TMEM67: variants seen among roughly 807,000 people sequenced by gnomAD.
TMEM67 encodes transmembrane protein 67.
In TMEM67, 124 loss-of-function variants were observed where a neutral mutation model predicts 136.6. The observed-to-expected ratio is 0.91, with a 90% CI of 0.78 to 1.05. The LOEUF (loss-of-function observed/expected upper bound fraction) is 1.05. Ranked by LOEUF, TMEM67 falls within the 50% of genes least tolerant of loss-of-function variation. TMEM67 has a pLI of 0.00. For missense variants in TMEM67, 1,107 were observed against 1,178.4 expected, an observed-to-expected ratio of 0.94 and a Z score of 0.89; for synonymous variants, 364 against 390.5, an observed-to-expected ratio of 0.93 and a Z score of 0.80.
chr8:93,760,918 AT>A (rs1812798892), intron 3 of TMEM67, among the ~76,000 whole-genome samples: 1 of 152,240 alleles, frequency 6.6e-6, no homozygotes, highest in Non-Finnish European at 1.5e-5. Context: ...AGAAAAAAAT[AT>A]TTTAACGTGA....
chr8:93,755,188 C>A, intron 1 of TMEM67, 51 bp downstream of exon 1: 1 of 1,512,312 alleles, frequency 6.6e-7, no homozygotes, highest in South Asian at 1.1e-5. Flanking sequence ...CCGCCTTGGT[C>A]GGCCCCTAGT....
At chr8:93,809,971 C>CTTTTTTTT (rs375597348) in intron 26 of TMEM67, 84 bp downstream of exon 26, 9 of 588,972 alleles carry the variant, frequency 1.5e-5, no homozygotes, top group African/African-American at 6.2e-5. Context: ...TTCTTTTTTT[C>CTTTTTTTT]TTTTTTTTTT....
chr8:93,815,882 G>A (rs1352169879), intron 27 of TMEM67, among the ~76,000 whole-genome samples: 1 of 152,234 alleles, frequency 6.6e-6, no homozygotes. Context: ...GCAACTTCAT[G>A]TATGAGTGTG....
At chr8:93,779,084 C>T (rs1328585023) in intron 7 of TMEM67, among the ~76,000 whole-genome samples, 1 of 152,174 alleles carries the variant, frequency 6.6e-6, no homozygotes, top group Non-Finnish European at 1.5e-5. Flanking sequence ...ACCTTGTCGT[C>T]TCGCTTTATT....
intron 14 of TMEM67, among the ~76,000 whole-genome samples, chr8:93,788,587 TG>T (rs1271050172): frequency 1.3e-5 from 2 of 152,110 alleles, no homozygotes; most frequent in African/African-American, 4.8e-5. Context: ...ATAAAGATTT[TG>T]TGTCTTTGCC....
chr8:93,803,367 A>G (rs977994481), intron 21 of TMEM67, among the ~76,000 whole-genome samples: 1 of 152,204 alleles, frequency 6.6e-6, no homozygotes, highest in African/African-American at 2.4e-5. Context: ...TTTTAATGAC[A>G]CACAACAGTT....
At position 93,770,475 on chromosome 8, in the gene TMEM67, C is replaced by T. The variant is rs538390534; in HGVS notation, c.652-2114C>T. On this transcript the variant is annotated intron_variant, in intron 6 of 27. Transcript: ENST00000453321. Reference sequence around the variant, plus strand: ...CCTTCCTTTTTTGGGGGAAGGGATACCTAGGATCCAATCAAGGATCTCACA... The same window carrying T: ...CCTTCCTTTTTTGGGGGAAGGGATATCTAGGATCCAATCAAGGATCTCACA... Among the ~76,000 whole-genome samples the T allele has an allele frequency of 2.6e-5, 4 of 152,214 alleles. No individual in the cohort carries two copies. In the South Asian group the frequency reaches 8.3e-4, roughly 32 times the overall value.
intron 3 of TMEM67, chr8:93,759,711 T>C (rs912516399): frequency 9.0e-5 from 21 of 233,266 alleles, no homozygotes; most frequent in African/African-American, 4.6e-4. Flanking sequence ...AGTGCAATGG[T>C]GTGATCTTGG....
intron 3 of TMEM67, among the ~76,000 whole-genome samples, chr8:93,761,160 A>G (rs567686293): frequency 1.3e-5 from 2 of 152,288 alleles, no homozygotes; most frequent in African/African-American, 4.8e-5. Context: ...TTAGCCTGGC[A>G]TGGTGGCACA....
At chr8:93,830,031 A>C in the TMEM67 span, among the ~76,000 whole-genome samples, 1 of 152,180 alleles carries the variant, frequency 6.6e-6, no homozygotes, top group African/African-American at 2.4e-5. Context: ...ACCTGGAGGA[A>C]GGAAAACTGC....
chr8:93,828,633 G>C, the TMEM67 span, among the ~76,000 whole-genome samples: 4 of 152,094 alleles, frequency 2.6e-5, no homozygotes, highest in African/African-American at 9.6e-5. Flanking sequence ...CCAGCTACTC[G>C]GGGGGTGGGG....
Position 93,785,391 on chromosome 8 carries a change from T to C in TMEM67, c.1288+13T>C. 2 of 1,610,746 alleles carry C rather than the reference T, an allele frequency of 1.2e-6. No homozygotes were observed. The highest frequency in any genetic ancestry group is 1.7e-6 in the Non-Finnish European group (2 of 1,177,906). On this transcript the variant is annotated intron_variant, in intron 12 of 27. Transcript: ENST00000453321. Reference sequence around the variant, plus strand: ...TTTGTGAACCAAGGTAAGACATCCATACATACCACTCTTTTCCCTGAGCAG... The same window carrying C: ...TTTGTGAACCAAGGTAAGACATCCACACATACCACTCTTTTCCCTGAGCAG...
In TMEM67 at chr8:93,809,052, A is replaced by G. The variant is rs772215031; in HGVS notation, c.2557-5A>G. 1 of 1,595,668 alleles carries G rather than the reference A, an allele frequency of 6.3e-7. No individual in the cohort carries two copies. Among genetic ancestry groups the G allele is most frequent in the Non-Finnish European group, 8.6e-7 (1 of 1,163,712 alleles). On this transcript the variant is annotated splice_region_variant and splice_polypyrimidine_tract_variant and intron_variant, in intron 24 of 27. Transcript: ENST00000453321. Reference sequence around the variant, plus strand: ...CTTTGTATTCATTTCTCTTTTTTACATTAGAAAAATGGTCCTGCTAGACTA... The same window carrying G: ...CTTTGTATTCATTTCTCTTTTTTACGTTAGAAAAATGGTCCTGCTAGACTA...
At chr8:93,781,871 C>T in intron 10 of TMEM67, 127 bp downstream of exon 10, 3 of 523,562 alleles carry the variant, frequency 5.7e-6, no homozygotes, top group South Asian at 3.4e-5. Flanking sequence ...TTTTCTGATG[C>T]TTTAAATTAG....
At chr8:93,793,063 G>A in intron 15 of TMEM67, 135 bp from the exon 16 acceptor site, 2 of 770,444 alleles carry the variant, frequency 2.6e-6, no homozygotes, top group Non-Finnish European at 4.5e-6. Flanking sequence ...GAGCCACTGT[G>A]CCCGGCTGAC....
chr8:93,809,074 A>G lies in TMEM67; in HGVS notation c.2574A>G (p.Arg858=). 6.2e-7 allele frequency: 1 copy of G among 1,608,400 alleles called. No individual in the cohort carries two copies. The highest frequency in any genetic ancestry group is 1.1e-5 in the South Asian group (1 of 90,964). The change falls in exon 25 of 28, where the codon AGA becomes AGG. Residue 858 remains arginine (R), a synonymous_variant. Transcript: ENST00000453321. ...TACATTAGAAAAATGGTCCTGCTAG[A>G]CTACTGAGTTCATCAGCAAGTACTT... The part of the protein sequence containing the change: ...ETLIRKNGPA[R]LLSSSASTFE...
At chr8:93,808,998 C>A (rs761654062) in intron 24 of TMEM67, 42 bp downstream of exon 24, 1 of 1,529,276 alleles carries the variant, frequency 6.5e-7, no homozygotes, top group Non-Finnish European at 9.1e-7. Context: ...GTCAATATTT[C>A]ATGTTTTTTA....
In TMEM67 at chr8:93,816,526, C is replaced by T. The variant is rs1432203515; in HGVS notation, c.*74C>T. 1 of 814,898 alleles carries T rather than the reference C, an allele frequency of 1.2e-6. No homozygotes were observed. The highest frequency in any genetic ancestry group is 2.1e-5 in the Admixed American group (1 of 46,834). 50.5% of individuals were successfully genotyped at this position (814,898 alleles called of 1,614,324 possible). A position where few individuals can be genotyped will look rare whatever the true frequency, so the allele number is the denominator to read the frequency against. ...AAGTCATGATATCAGGTTAGTTTGC[C>T]ATATTTTTTAAAACTTATAATGCAG... On this transcript the variant is annotated 3_prime_UTR_variant, in exon 28 of 28. Transcript: ENST00000453321.
At chr8:93,794,456 GTTA>G (rs946395217) in intron 16 of TMEM67, among the ~76,000 whole-genome samples, 1 of 152,016 alleles carries the variant, frequency 6.6e-6, no homozygotes, top group Non-Finnish European at 1.5e-5. Flanking sequence ...TTGAAGTTAG[GTTA>G]TTATTATTAT....
Sources: gnomAD v4.1 joint callset for allele counts (sites outside exome capture counted in the v4.1 genomes callset) on GRCh38, gnomAD v4.1.1 for gene constraint, MANE v1.5 for transcripts, NCBI Gene and HGNC (gene_info 2026-07-23, HGNC 2026-07-21) for gene names.